CYP7B1: variants seen among roughly 807,000 people sequenced by gnomAD.
CYP7B1 encodes the protein cytochrome P450 family 7 subfamily B member 1.
CYP7B1 carries 29 observed loss-of-function variants against 42.7 expected under a neutral mutation model. That is an observed-to-expected ratio of 0.68 (90% CI 0.51 to 0.93). The LOEUF is 0.93. CYP7B1 is among the 40% of genes least tolerant of loss of function. The pLI, the probability that CYP7B1 is intolerant of heterozygous loss-of-function variation, is 0.00. For missense variants in CYP7B1, 655 were observed against 600.5 expected (o/e 1.09, Z -0.95); for synonymous variants, 235 against 218.2 (o/e 1.08, Z -0.68).
chr8:64,731,979 G>T (rs1807418273), intron 1 of CYP7B1, among the ~76,000 whole-genome samples: 1 of 152,248 alleles, frequency 6.6e-6, no homozygotes, highest in Non-Finnish European at 1.5e-5. Flanking sequence ...GGAAACACTT[G>T]GATGTCCAGG....
At chr8:64,599,915 T>C (rs533568226) in intron 5 of CYP7B1, among the ~76,000 whole-genome samples, 3 of 152,366 alleles carry the variant, frequency 2.0e-5, no homozygotes, top group Admixed American at 1.3e-4. Context: ...CTACAGGAGA[T>C]GGCAGTGCCA....
chr8:64,735,882 A>C (rs1336396136), intron 1 of CYP7B1, among the ~76,000 whole-genome samples: 2 of 152,158 alleles, frequency 1.3e-5, no homozygotes, highest in African/African-American at 2.4e-5. Flanking sequence ...GAAAGGTAAA[A>C]TTATGTTTCT....
At chr8:64,641,207 T>C (rs1177422595) in intron 1 of CYP7B1, among the ~76,000 whole-genome samples, 1 of 152,166 alleles carries the variant, frequency 6.6e-6, no homozygotes, top group African/African-American at 2.4e-5. Context: ...AGACAGAGTG[T>C]GGTAGCTAAA....
intron 2 of CYP7B1, among the ~76,000 whole-genome samples, chr8:64,623,083 A>T (rs889143822): frequency 3.9e-5 from 6 of 152,174 alleles, no homozygotes; most frequent in African/African-American, 1.2e-4. Flanking sequence ...GAGAGGGAAT[A>T]GCTAGCCCAG....
At chr8:64,655,425 C>G (rs189034167) in intron 1 of CYP7B1, among the ~76,000 whole-genome samples, 3 of 152,184 alleles carry the variant, frequency 2.0e-5, no homozygotes, top group Middle Eastern at 3.4e-3. Context: ...AAAAAAAGCT[C>G]AATATCACTG....
intron 4 of CYP7B1, among the ~76,000 whole-genome samples, chr8:64,612,377 A>G (rs1805375921): frequency 1.3e-5 from 2 of 152,134 alleles, no homozygotes; most frequent in African/African-American, 4.8e-5. Context: ...AATTATTAAT[A>G]GATAAAATGT....
At chr8:64,679,061 T>C (rs1806495526) in intron 1 of CYP7B1, among the ~76,000 whole-genome samples, 1 of 152,086 alleles carries the variant, frequency 6.6e-6, no homozygotes, top group Admixed American at 6.6e-5. Context: ...GCAGGAAAGG[T>C]AGAGTTGGCG....
intron 1 of CYP7B1, among the ~76,000 whole-genome samples, chr8:64,763,219 G>A (rs971181855): frequency 2.0e-5 from 3 of 152,202 alleles, no homozygotes; most frequent in Non-Finnish European, 4.4e-5. Context: ...CATTGTTCCT[G>A]TACAGCTAAG....
At chr8:64,759,044 T>A (rs1807849041) in intron 1 of CYP7B1, among the ~76,000 whole-genome samples, 1 of 152,182 alleles carries the variant, frequency 6.6e-6, no homozygotes, top group Admixed American at 6.5e-5. Context: ...AGTCCTGCTG[T>A]ACTGTGAGAA....
intron 1 of CYP7B1, among the ~76,000 whole-genome samples, chr8:64,667,287 T>G (rs919087056): frequency 6.6e-6 from 1 of 151,760 alleles, no homozygotes; most frequent in African/African-American, 2.4e-5. Context: ...AATTTGAAAT[T>G]TGGCAGAATG....
chr8:64,649,677 T>C (rs1386673073), intron 1 of CYP7B1, among the ~76,000 whole-genome samples: 1 of 152,240 alleles, frequency 6.6e-6, no homozygotes, highest in Non-Finnish European at 1.5e-5. Context: ...TTCACACCAG[T>C]AATGTGCAAG....
intron 5 of CYP7B1, 142 bp downstream of exon 5, chr8:64,604,540 C>G: frequency 1.2e-6 from 1 of 815,120 alleles, no homozygotes; most frequent in South Asian, 1.5e-5. Flanking sequence ...GGAAAGCTTT[C>G]TTATTAGGAG....
In CYP7B1 at chr8:64,624,951, C is replaced by CTTTTTT. The variant is rs71260892; in HGVS notation, c.123-418_123-413dup. Among the ~76,000 whole-genome samples the CTTTTTT allele has an allele frequency of 2.1e-3, 116 of 54,062 alleles. 26 individuals are homozygous for CTTTTTT. Among genetic ancestry groups the CTTTTTT allele is most frequent in the African/African-American group, 5.7e-3 (55 of 9,662 alleles). The allele number at this position is 54,062 out of a possible 152,430, so 35.5% of individuals were successfully genotyped here. ...AGTCCCCAAAGTCCATTATATCATT[C>CTTTTTT]TTTTTTTTTTTTTTTTTTTTTTTTT... On this transcript the variant is annotated intron_variant, in intron 1 of 5. Coordinates refer to ENST00000310193, the MANE Select transcript of CYP7B1 (RefSeq NM_004820.5).
At chr8:64,736,297 T>C (rs189891114) in intron 1 of CYP7B1, among the ~76,000 whole-genome samples, 7 of 152,314 alleles carry the variant, frequency 4.6e-5, no homozygotes, top group Non-Finnish European at 1.0e-4. Context: ...TATGCTTCTC[T>C]TCCCTTAGTG....
chr8:64,789,071 CCAT>C (rs1268237814), intron 1 of CYP7B1, among the ~76,000 whole-genome samples: 1 of 152,078 alleles, frequency 6.6e-6, no homozygotes, highest in Non-Finnish European at 1.5e-5. Flanking sequence ...CAGGCACGCA[CCAT>C]CATGCCCAGC....
intron 2 of CYP7B1, among the ~76,000 whole-genome samples, chr8:64,623,387 C>T (rs537014269): frequency 3.9e-5 from 6 of 152,156 alleles, no homozygotes; most frequent in Non-Finnish European, 7.4e-5. Flanking sequence ...GATGAAAGAC[C>T]GTGTGGAAAG....
intron 1 of CYP7B1, among the ~76,000 whole-genome samples, chr8:64,739,191 G>A (rs1373896894): frequency 6.6e-6 from 1 of 152,148 alleles, no homozygotes; most frequent in African/African-American, 2.4e-5. Context: ...GGGAATTGAG[G>A]GAAGCTAAGA....
At chr8:64,682,725 C>T (rs1175389625) in intron 1 of CYP7B1, among the ~76,000 whole-genome samples, 1 of 152,192 alleles carries the variant, frequency 6.6e-6, no homozygotes, top group Non-Finnish European at 1.5e-5. Context: ...AGGCTAGTTG[C>T]AACAGCTCTT....
Position 64,590,852 on chromosome 8 carries a change from G to C in CYP7B1, c.*5790C>G, listed in dbSNP as rs1281938021. Among the ~76,000 whole-genome samples, 1 of 152,102 alleles carries C rather than the reference G, an allele frequency of 6.6e-6. No individual in the cohort carries two copies. Among genetic ancestry groups the C allele is most frequent in the Non-Finnish European group, 1.5e-5 (1 of 67,984 alleles). On this transcript the variant is annotated 3_prime_UTR_variant, in exon 6 of 6. Coordinates refer to ENST00000310193, the MANE Select transcript of CYP7B1 (RefSeq NM_004820.5). ...AATAAAGAGACATAATCAGTCATCT[G>C]TGCTTTAAAGTTAATTTATTAAATT... is the stretch of plus-strand genomic sequence containing the variant.
Sources: allele counts gnomAD v4.1 joint callset (sites outside exome capture counted in the v4.1 genomes callset), GRCh38; gene constraint gnomAD v4.1.1; transcripts MANE v1.5; gene names NCBI Gene and HGNC (gene_info 2026-07-23, HGNC 2026-07-21).